The following CFAP20DC variants were observed in gnomAD, a reference collection of about 807,000 sequenced individuals.
CFAP20DC encodes the protein CFAP20 domain containing, also known as protein CFAP20DC.
A neutral mutation model predicts 101.7 loss-of-function variants in CFAP20DC; 84 were observed. The ratio of observed to expected loss-of-function variants is 0.83; its 90% confidence interval spans 0.69 to 0.99. The LOEUF is 0.99. Ranked by LOEUF, CFAP20DC falls within the 50% of genes least tolerant of loss-of-function variation. The pLI, the probability that CFAP20DC is intolerant of heterozygous loss-of-function variation, is 0.00. For missense variants in CFAP20DC, 1,007 were observed against 970.3 expected, an observed-to-expected ratio of 1.04 and a Z score of -0.50; for synonymous variants, 359 against 351.2, an observed-to-expected ratio of 1.02 and a Z score of -0.25.
intron 1 of CFAP20DC, 104 bp from the exon 2 acceptor site, chr3:59,047,358 C>A: frequency 2.8e-6 from 2 of 726,340 alleles, no homozygotes; most frequent in Admixed American, 2.5e-5. Context: ...TTAAGCTGAT[C>A]TGGGATGAAA....
intron 4 of CFAP20DC, among the ~76,000 whole-genome samples, chr3:59,020,001 A>C (rs907018448): frequency 6.6e-6 from 1 of 152,132 alleles, no homozygotes. Flanking sequence ...TGTCTTCTAT[A>C]ATATTTAGCC....
downstream of CFAP20DC, chr3:58,717,272 G>A: frequency 5.8e-6 from 1 of 173,478 alleles, no homozygotes. This position sits in a 1 kb window ranked among gnomAD's most constrained non-coding sequence, Gnocchi z 4.1. Flanking sequence ...CTTGCCAATT[G>A]AGAGCAAACC....
At chr3:58,867,066 C>G (rs906202256) in intron 10 of CFAP20DC, among the ~76,000 whole-genome samples, 1 of 151,916 alleles carries the variant, frequency 6.6e-6, no homozygotes, top group African/African-American at 2.4e-5. Flanking sequence ...TTTGGCCAAG[C>G]TTTTTTCATC....
intron 5 of CFAP20DC, among the ~76,000 whole-genome samples, chr3:58,925,748 T>G (rs893232697): frequency 6.6e-6 from 1 of 152,196 alleles, no homozygotes; most frequent in African/African-American, 2.4e-5. Flanking sequence ...TTGAGGAAAC[T>G]AAATCAGAGA....
intron 3 of CFAP20DC, among the ~76,000 whole-genome samples, chr3:58,731,459 G>A (rs17059757): frequency 0.083 from 12,704 of 152,160 alleles, 906 homozygotes; most frequent in East Asian, 0.35. Flanking sequence ...ATGATCCTTT[G>A]GTGCCAGCAA....
At chr3:58,871,084 A>T (rs1194927364) in intron 7 of CFAP20DC, among the ~76,000 whole-genome samples, 1 of 152,146 alleles carries the variant, frequency 6.6e-6, no homozygotes, top group Non-Finnish European at 1.5e-5. Flanking sequence ...GGAGAGGCGG[A>T]TAAGACCAGT....
At chr3:58,900,148 G>A (rs1023892137) in intron 6 of CFAP20DC, among the ~76,000 whole-genome samples, 18 of 152,198 alleles carry the variant, frequency 1.2e-4, no homozygotes, top group African/African-American at 4.3e-4. Flanking sequence ...ATAGATCATC[G>A]AAGACTGTGA....
intron 12 of CFAP20DC, among the ~76,000 whole-genome samples, chr3:58,855,912 C>G (rs960092880): frequency 4.0e-5 from 6 of 149,986 alleles, no homozygotes; most frequent in Admixed American, 6.6e-5. Context: ...GTGCAGCGCA[C>G]CAGCATGGCA....
chr3:58,800,081 G>T (rs1397931852), intron 15 of CFAP20DC, among the ~76,000 whole-genome samples: 1 of 152,172 alleles, frequency 6.6e-6, no homozygotes, highest in African/African-American at 2.4e-5. Flanking sequence ...TGAGAGGTGG[G>T]CTTCCAGGGC....
chr3:58,983,000 G>A (rs1249843230), intron 4 of CFAP20DC, among the ~76,000 whole-genome samples: 6 of 152,042 alleles, frequency 3.9e-5, no homozygotes, highest in Admixed American at 3.9e-4. Flanking sequence ...CTGATTAGTG[G>A]TATTAAGCAT....
At chr3:58,785,267 C>T (rs79754783) in intron 15 of CFAP20DC, among the ~76,000 whole-genome samples, 2,200 of 151,996 alleles carry the variant, frequency 0.014, 79 homozygotes, top group East Asian at 0.11. Flanking sequence ...TGATAGATAC[C>T]GGAGGCTGGG....
intron 4 of CFAP20DC, among the ~76,000 whole-genome samples, chr3:59,033,669 C>A (rs963314221): frequency 1.3e-5 from 2 of 151,930 alleles, no homozygotes; most frequent in Non-Finnish European, 2.9e-5. Context: ...TGAAAATGAA[C>A]GAAAAGAGCC....
chr3:58,979,254 G>T (rs2092414687), intron 4 of CFAP20DC, among the ~76,000 whole-genome samples: 1 of 152,198 alleles, frequency 6.6e-6, no homozygotes, highest in African/African-American at 2.4e-5. Flanking sequence ...CCATTAGCCT[G>T]TAGTACTTGG....
chr3:58,961,209 G>A (rs776396664), intron 4 of CFAP20DC, among the ~76,000 whole-genome samples: 1 of 152,160 alleles, frequency 6.6e-6, no homozygotes, highest in Non-Finnish European at 1.5e-5. Flanking sequence ...GTTTTCTTGT[G>A]ATGTCTTCAT....
chr3:59,018,367 T>C (rs188417602), intron 4 of CFAP20DC: 17 of 152,192 alleles, frequency 1.1e-4, no homozygotes, highest in Admixed American at 1.1e-3. Context: ...AAGTCTCAAA[T>C]TATATCCCCA....
chr3:59,028,203 C>T lies in CFAP20DC; in HGVS notation c.278+11354G>A, dbSNP rs912155004. Reference sequence around the variant, plus strand: ...CACAGGCATATGATCCTGAATAATACAATTTTTGATCTTAAAGAAAAAAGA... The same window carrying T: ...CACAGGCATATGATCCTGAATAATATAATTTTTGATCTTAAAGAAAAAAGA... On this transcript the variant is annotated intron_variant, in intron 4 of 16. Coordinates refer to ENST00000482387, the MANE Select transcript of CFAP20DC (RefSeq NM_001394063.1). Among the ~76,000 whole-genome samples the T allele has an allele frequency of 5.3e-5, 8 of 152,206 alleles. No individual in the cohort carries two copies. In the South Asian group the frequency reaches 1.2e-3, roughly 24 times the overall value.
intron 4 of CFAP20DC, among the ~76,000 whole-genome samples, chr3:59,023,272 C>A (rs547183552): frequency 1.3e-5 from 2 of 152,014 alleles, no homozygotes; most frequent in East Asian, 3.9e-4. Context: ...ACCAACCATG[C>A]ACAGAGAATT....
intron 12 of CFAP20DC, among the ~76,000 whole-genome samples, chr3:58,854,492 G>A (rs2078571020): frequency 6.6e-6 from 1 of 152,028 alleles, no homozygotes; most frequent in African/African-American, 2.4e-5. Context: ...CTACTTTAAA[G>A]TTCATATGGC....
At position 58,812,126 on chromosome 3, in the gene CFAP20DC, C is replaced by G. The variant is rs1160013728; in HGVS notation, c.2176-5670G>C. Among the ~76,000 whole-genome samples, 9 of 152,226 alleles carry G rather than the reference C, an allele frequency of 5.9e-5. No individual in the cohort carries two copies. The East Asian group carries it at 1.4e-3, about 23-fold the overall frequency. ...TTGCTGGGACTGTAAACTAGCTCGA[C>G]CATTGTGGAAGTCAGTGTGGCGATT... On this transcript the variant is annotated intron_variant, in intron 14 of 16. Coordinates refer to ENST00000482387, the MANE Select transcript of CFAP20DC (RefSeq NM_001394063.1).
Sources: gnomAD v4.1 joint callset for allele counts (sites outside exome capture counted in the v4.1 genomes callset) on GRCh38, gnomAD v4.1.1 for gene constraint, Gnocchi (gnomAD v3.1) non-coding constraint, MANE v1.5 for transcripts, NCBI Gene and HGNC (gene_info 2026-07-23, HGNC 2026-07-21) for gene names.